Variants in SNTG2 observed in about 807,000 individuals in gnomAD.
The protein encoded by SNTG2 is gamma-2-syntrophin.
SNTG2 carries 74 observed loss-of-function variants against 70.9 expected under a neutral mutation model. The observed-to-expected ratio is 1.04, with a 90% CI of 0.86 to 1.27. The LOEUF is 1.27. SNTG2 is among the 50% of genes most tolerant of loss of function. The pLI is 0.00. For synonymous variants in SNTG2, 278 were observed against 273.8 expected, an observed-to-expected ratio of 1.02 and a Z score of -0.15; for missense variants, 717 against 690.7, an observed-to-expected ratio of 1.04 and a Z score of -0.43.
chr2:1,245,076 A>T (rs533319994), intron 11 of SNTG2, among the ~76,000 whole-genome samples: 60 of 142,144 alleles, frequency 4.2e-4, no homozygotes, highest in African/African-American at 1.5e-3. Context: ...AACAATGAGA[A>T]CACATGGACA....
intron 16 of SNTG2, among the ~76,000 whole-genome samples, chr2:1,340,561 A>G (rs1660034190): frequency 6.6e-6 from 1 of 152,260 alleles, no homozygotes; most frequent in Admixed American, 6.5e-5. Flanking sequence ...TATTCTTTCA[A>G]TTGAAAAAGA....
intron 1 of SNTG2, among the ~76,000 whole-genome samples, chr2:1,011,679 GC>G (rs1659731772): frequency 1.5e-5 from 2 of 136,128 alleles, no homozygotes; most frequent in Admixed American, 1.6e-4. Context: ...ATAATTGCAG[GC>G]TTTTTTTGTT....
intron 8 of SNTG2, among the ~76,000 whole-genome samples, chr2:1,176,259 G>A (rs1354962984): frequency 3.9e-5 from 6 of 152,080 alleles, no homozygotes; most frequent in East Asian, 3.9e-4. Flanking sequence ...TAATATGTTC[G>A]TTTTAGAAGG....
chr2:988,460 ACTT>A (rs1661397768), intron 1 of SNTG2, among the ~76,000 whole-genome samples: 1 of 151,740 alleles, frequency 6.6e-6, no homozygotes, highest in Admixed American at 6.6e-5. Context: ...CTTTTTTCAG[ACTT>A]CTTTGGCTTA....
At chr2:1,201,445 T>G (rs1673270122) in intron 8 of SNTG2, among the ~76,000 whole-genome samples, 1 of 151,746 alleles carries the variant, frequency 6.6e-6, no homozygotes, top group African/African-American at 2.4e-5. Context: ...AACATACAAT[T>G]AGATAGAAGG....
At chr2:994,337 A>G (rs530881152) in intron 1 of SNTG2, among the ~76,000 whole-genome samples, 1 of 152,214 alleles carries the variant, frequency 6.6e-6, no homozygotes, top group Admixed American at 6.5e-5. Context: ...TTATTTCTGG[A>G]TACTCATTCC....
intron 1 of SNTG2, among the ~76,000 whole-genome samples, chr2:1,057,273 C>A (rs1013561457): frequency 6.6e-6 from 1 of 152,084 alleles, no homozygotes; most frequent in African/African-American, 2.4e-5. Context: ...TATCTCTATT[C>A]TGGCTGTATT....
intron 1 of SNTG2, among the ~76,000 whole-genome samples, chr2:1,001,041 CAGA>C (rs746028090): frequency 3.3e-5 from 5 of 152,120 alleles, no homozygotes; most frequent in Non-Finnish European, 7.4e-5. Flanking sequence ...TCAATAGATG[CAGA>C]AGAAGCATTC....
At chr2:1,308,450 G>A (rs914560428) in intron 14 of SNTG2, 44 bp from the exon 15 acceptor site, 3 of 1,510,838 alleles carry the variant, frequency 2.0e-6, no homozygotes, top group Admixed American at 4.0e-5. Flanking sequence ...AAGTTAAACA[G>A]CATTATTAAA....
At chr2:1,071,998 G>T (rs1293262091) in intron 1 of SNTG2, among the ~76,000 whole-genome samples, 1 of 152,174 alleles carries the variant, frequency 6.6e-6, no homozygotes, top group Admixed American at 6.5e-5. Context: ...AGCTAGCGGA[G>T]GTGGGTTTAT....
At chr2:998,890 G>T (rs1294058370) in intron 1 of SNTG2, among the ~76,000 whole-genome samples, 1 of 152,032 alleles carries the variant, frequency 6.6e-6, no homozygotes. Flanking sequence ...CAAGACAAAA[G>T]CATCTGATTA....
chr2:1,194,010 C>T (rs1211051087), intron 8 of SNTG2, among the ~76,000 whole-genome samples: 3 of 152,238 alleles, frequency 2.0e-5, no homozygotes, highest in African/African-American at 7.2e-5. Context: ...CATCCCCAGG[C>T]CCAGAGTGGG....
At chr2:1,172,234 C>G (rs1472720225) in intron 7 of SNTG2, among the ~76,000 whole-genome samples, 1 of 152,168 alleles carries the variant, frequency 6.6e-6, no homozygotes, top group African/African-American at 2.4e-5. Context: ...AACAACAGGG[C>G]CTGCTCTCCA....
intron 7 of SNTG2, among the ~76,000 whole-genome samples, chr2:1,169,751 C>T (rs1287706322): frequency 2.0e-5 from 3 of 152,170 alleles, no homozygotes; most frequent in African/African-American, 4.8e-5. Flanking sequence ...GATGGCTCTG[C>T]CTGGACAGGC....
chr2:1,242,938 T>G (rs1196280928), intron 11 of SNTG2, among the ~76,000 whole-genome samples: 1 of 152,230 alleles, frequency 6.6e-6, no homozygotes, highest in Non-Finnish European at 1.5e-5. Context: ...TAATACACAC[T>G]TCTTGGAATG....
intron 1 of SNTG2, among the ~76,000 whole-genome samples, chr2:1,016,386 C>T (rs888979477): frequency 6.6e-6 from 1 of 152,304 alleles, no homozygotes; most frequent in African/African-American, 2.4e-5. Context: ...AGATTACAGG[C>T]GCATGCCACG....
chr2:1,035,242 G>A (rs573781338), intron 1 of SNTG2, among the ~76,000 whole-genome samples: 1 of 152,308 alleles, frequency 6.6e-6, no homozygotes, highest in Admixed American at 6.5e-5. Flanking sequence ...AAGTCAAGGA[G>A]CATTCAATAT....
intron 1 of SNTG2, among the ~76,000 whole-genome samples, chr2:1,052,653 G>T (rs1662141281): frequency 6.6e-6 from 1 of 152,160 alleles, no homozygotes; most frequent in Non-Finnish European, 1.5e-5. Context: ...TGTTTTGAAA[G>T]CCACATGGTA....
intron 9 of SNTG2, among the ~76,000 whole-genome samples, chr2:1,210,212 G>A (rs1330635569): frequency 1.3e-5 from 2 of 152,184 alleles, no homozygotes; most frequent in Non-Finnish European, 2.9e-5. Context: ...TGCAGGAACA[G>A]GGACAGTAAG....
Sources: allele counts gnomAD v4.1 joint callset (sites outside exome capture counted in the v4.1 genomes callset), GRCh38; gene constraint gnomAD v4.1.1; transcripts MANE v1.5; gene names NCBI Gene and HGNC (gene_info 2026-07-23, HGNC 2026-07-21).